Variants in ANKRD12 observed in about 807,000 individuals in gnomAD.
The protein encoded by ANKRD12 is ankyrin repeat domain 12, also known as ankyrin repeat domain-containing protein 12.
In ANKRD12, 85 loss-of-function variants were observed where a neutral mutation model predicts 183.4. The observed-to-expected ratio is 0.46, with a 90% CI of 0.39 to 0.56. The LOEUF (loss-of-function observed/expected upper bound fraction) is 0.56. ANKRD12 is among the 20% of genes least tolerant of loss of function. ANKRD12 has a pLI of 0.00. For synonymous variants in ANKRD12, 914 were observed against 800.2 expected, an observed-to-expected ratio of 1.14 and a Z score of -2.40; for missense variants, 2,405 against 2,357.1, an observed-to-expected ratio of 1.02 and a Z score of -0.42.
intron 1 of ANKRD12, chr18:9,137,512 G>A (rs1387550999): frequency 1.4e-5 from 2 of 147,298 alleles, no homozygotes; most frequent in East Asian, 1.9e-4. Context: ...GGCCCGCCGC[G>A]CGTTCCCGCC....
At chr18:9,265,289 G>GCA (rs914561975) in intron 10 of ANKRD12, among the ~76,000 whole-genome samples, 50 of 152,322 alleles carry the variant, frequency 3.3e-4, no homozygotes, top group Non-Finnish European at 2.5e-4. Flanking sequence ...GGTTCTCCCA[G>GCA]CACACAGCTG....
chr18:9,172,296 A>G (rs1490126197), intron 1 of ANKRD12, among the ~76,000 whole-genome samples: 1 of 152,028 alleles, frequency 6.6e-6, no homozygotes, highest in African/African-American at 2.4e-5. Flanking sequence ...GTTCTCCTGG[A>G]TGATATCCTG....
At chr18:9,161,965 C>T (rs1010466442) in intron 1 of ANKRD12, among the ~76,000 whole-genome samples, 19 of 152,004 alleles carry the variant, frequency 1.2e-4, no homozygotes, top group African/African-American at 3.1e-4. Context: ...TGGGTGCAAG[C>T]CATCCTCCTG....
chr18:9,227,025 G>A (rs1471484225), intron 8 of ANKRD12, among the ~76,000 whole-genome samples: 1 of 152,152 alleles, frequency 6.6e-6, no homozygotes, highest in Non-Finnish European at 1.5e-5. Flanking sequence ...CAAGGAAATG[G>A]ACAGTAGATT....
At chr18:9,242,603 T>C (rs1327198042) in intron 8 of ANKRD12, among the ~76,000 whole-genome samples, 2 of 152,204 alleles carry the variant, frequency 1.3e-5, no homozygotes, top group Admixed American at 6.5e-5. Context: ...GTCAGTTTCC[T>C]TTAGCGACAT....
chr18:9,148,328 A>G (rs1173906494), intron 1 of ANKRD12, among the ~76,000 whole-genome samples: 1 of 151,148 alleles, frequency 6.6e-6, no homozygotes, highest in East Asian at 1.9e-4. Flanking sequence ...ATATATACAC[A>G]CACACGTATG....
At chr18:9,165,021 T>C (rs546168125) in intron 1 of ANKRD12, among the ~76,000 whole-genome samples, 7 of 152,306 alleles carry the variant, frequency 4.6e-5, no homozygotes, top group African/African-American at 2.4e-5. Context: ...ACTATTATTA[T>C]GTGTGAGTCT....
At chr18:9,254,093 T>A in intron 8 of ANKRD12, 118 bp from the exon 9 acceptor site, 2 of 1,140,204 alleles carry the variant, frequency 1.8e-6, no homozygotes, top group Non-Finnish European at 1.1e-6. Context: ...CTGAAGTGAT[T>A]ATGAATTGTT....
intron 1 of ANKRD12, among the ~76,000 whole-genome samples, chr18:9,159,083 T>G (rs1221161313): frequency 6.6e-6 from 1 of 152,212 alleles, no homozygotes; most frequent in Admixed American, 6.5e-5. Context: ...GACTCATCTT[T>G]TGTTTCCTGC....
chr18:9,170,813 G>C (rs1252145508), intron 1 of ANKRD12, among the ~76,000 whole-genome samples: 3 of 152,036 alleles, frequency 2.0e-5, no homozygotes, highest in Admixed American at 6.6e-5. Flanking sequence ...TTTCTGCTCT[G>C]TTTTTTTCCC....
chr18:9,200,384 A>G (rs917880711), intron 3 of ANKRD12: 1 of 152,224 alleles, frequency 6.6e-6, no homozygotes, highest in African/African-American at 2.4e-5. Flanking sequence ...TATTAAGCCA[A>G]TGTATACAGT....
chr18:9,202,359 A>G (rs1241358737), intron 3 of ANKRD12, among the ~76,000 whole-genome samples: 10 of 152,206 alleles, frequency 6.6e-5, no homozygotes, highest in African/African-American at 1.4e-4. Flanking sequence ...TAAAAACAAA[A>G]CAGATAGATA....
Position 9,257,349 on chromosome 18 carries a change from A to G in ANKRD12, c.4082A>G (p.Asn1361Ser). The change falls in exon 9 of 13, where the codon AAT becomes AGT. Residue 1361 changes from asparagine to serine, a missense_variant. By Grantham distance (46) the Asn-to-Ser change is conservative. This residue lies in a region of ANKRD12 where 1,983 missense variants were observed against 1,725.9 expected (regional missense o/e 1.15). Transcript: ENST00000262126. ...FSNVPERDLS[N>S]VSNIHSSFAT... ...AATGTGCCTGAAAGAGACCTTTCAA[A>G]TGTATCTAACATACATTCCAGTTTT... The G allele has an allele frequency of 6.2e-7, 1 of 1,614,112 alleles. No homozygotes were observed.
intron 9 of ANKRD12, among the ~76,000 whole-genome samples, chr18:9,262,204 C>A (rs1490093979): frequency 3.3e-5 from 5 of 152,264 alleles, no homozygotes; most frequent in East Asian, 1.9e-4. Flanking sequence ...TATGGTGTTA[C>A]ATGATTCCTG....
intron 1 of ANKRD12, among the ~76,000 whole-genome samples, chr18:9,157,577 G>GTATATATATATATATATATATA (rs1439951194): frequency 2.6e-5 from 3 of 114,466 alleles, no homozygotes; most frequent in Admixed American, 8.8e-5. Context: ...GTGTGTGTGT[G>GTATATATATATATATATATATA]TGTGTGTGTA....
intron 1 of ANKRD12, among the ~76,000 whole-genome samples, chr18:9,157,581 G>A (rs375899952): frequency 0.076 from 8,112 of 107,338 alleles, 347 homozygotes; most frequent in Non-Finnish European, 0.097. Context: ...GTGTGTGTGT[G>A]TGTGTATATA....
At chr18:9,178,460 G>T (rs2033458504) in intron 1 of ANKRD12, among the ~76,000 whole-genome samples, 1 of 152,074 alleles carries the variant, frequency 6.6e-6, no homozygotes, top group African/African-American at 2.4e-5. Flanking sequence ...GGATGTATAT[G>T]TGTAGATCTG....
chr18:9,161,578 A>T (rs1157798704), intron 1 of ANKRD12, among the ~76,000 whole-genome samples: 1 of 151,682 alleles, frequency 6.6e-6, no homozygotes, highest in East Asian at 1.9e-4. Flanking sequence ...GGTTTCACCG[A>T]GTTAGACCAG....
intron 8 of ANKRD12, among the ~76,000 whole-genome samples, chr18:9,250,735 C>T (rs958460926): frequency 6.6e-6 from 1 of 151,978 alleles, no homozygotes; most frequent in Non-Finnish European, 1.5e-5. Context: ...ACAAGAGACT[C>T]CAGAAATCAA....
Sources: allele counts gnomAD v4.1 joint callset (sites outside exome capture counted in the v4.1 genomes callset), GRCh38; gene constraint gnomAD v4.1.1; regional missense constraint gnomAD v4.1.1; transcripts MANE v1.5; gene names NCBI Gene and HGNC (gene_info 2026-07-23, HGNC 2026-07-21).